Variants in EVL observed in about 807,000 individuals in gnomAD.
EVL encodes the protein Enah/Vasp-like, also known as ena/VASP-like protein.
Under a neutral mutation model 59.6 loss-of-function variants are expected in EVL, and 21 were observed. The observed-to-expected ratio is 0.35, with a 90% CI of 0.25 to 0.51. EVL has a LOEUF of 0.51. Ranked by LOEUF, EVL falls within the 20% of genes least tolerant of loss-of-function variation. The pLI is 0.97. For synonymous variants in EVL, 198 were observed against 203.5 expected, an observed-to-expected ratio of 0.97 and a Z score of 0.23; for missense variants, 462 against 546.6, an observed-to-expected ratio of 0.85 and a Z score of 1.54.
chr14:100,120,053 C>T (rs1316479752), intron 3 of EVL, among the ~76,000 whole-genome samples: 1 of 152,192 alleles, frequency 6.6e-6, no homozygotes, highest in Non-Finnish European at 1.5e-5. Context: ...GAGAAAAAGG[C>T]TGGGTCAGCA....
intron 1 of EVL, among the ~76,000 whole-genome samples, chr14:100,018,051 A>G (rs112551460): frequency 0.041 from 6,199 of 152,338 alleles, 431 homozygotes; most frequent in African/African-American, 0.14. Flanking sequence ...CCTTATGTGA[A>G]TAATTCCTTT....
chr14:100,019,112 G>T (rs560933860), intron 1 of EVL, among the ~76,000 whole-genome samples: 1 of 152,338 alleles, frequency 6.6e-6, no homozygotes, highest in Admixed American at 6.5e-5. Flanking sequence ...GTGTTTGATA[G>T]TGGAATGGTA....
At chr14:100,078,718 G>A (rs2062222486) in intron 1 of EVL, among the ~76,000 whole-genome samples, 2 of 152,116 alleles carry the variant, frequency 1.3e-5, no homozygotes, top group South Asian at 4.1e-4. Flanking sequence ...TGGTTATGTG[G>A]TGAAAGATAA....
rs1272184273 is a variant in EVL, at chr14:100,130,055, T to C, written c.839+371T>C. ...AAGATGTGGCCGCAGTGGTCGAGTT[T>C]GCAGAGGACACTCTGGTGAATGTGT... On this transcript the variant is annotated intron_variant, in intron 7 of 13. Transcript: ENST00000392920. This position sits in a 1 kb window ranked among gnomAD's most constrained non-coding sequence, Gnocchi z 4.8. 6.6e-6 allele frequency among the ~76,000 whole-genome samples: 1 copy of C among 152,250 alleles called. No individual in the cohort carries two copies. The highest frequency in any genetic ancestry group is 1.9e-4 in the East Asian group (1 of 5,198).
intron 3 of EVL, among the ~76,000 whole-genome samples, chr14:100,101,859 G>T (rs1308172753): frequency 6.6e-6 from 1 of 152,054 alleles, no homozygotes; most frequent in African/African-American, 2.4e-5. Flanking sequence ...TTTTTGGGAG[G>T]ATGGAGTCTC....
At position 100,109,513 on chromosome 14, in the gene EVL, G is replaced by A. The variant is rs1185548105; in HGVS notation, c.358+11855G>A. The A allele has an allele frequency of 2.2e-6, 1 of 462,784 alleles. No homozygotes were observed. The highest frequency in any genetic ancestry group is 2.4e-5 in the Admixed American group (1 of 42,288). 28.7% of individuals were successfully genotyped at this position (462,784 alleles called of 1,614,324 possible). On this transcript the variant is annotated intron_variant, in intron 3 of 13. Coordinates refer to ENST00000392920, the MANE Select transcript of EVL (RefSeq NM_016337.3). The surrounding 1 kb of genome is among the most constrained non-coding windows in gnomAD (Gnocchi z 4.3). ...CTGAAGAGAGACTGACACATCAGAG[G>A]TGTCTGGTGACTGAACAAGCTCCCA...
chr14:100,119,242 C>T (rs1437628667), intron 3 of EVL, among the ~76,000 whole-genome samples: 1 of 152,176 alleles, frequency 6.6e-6, no homozygotes, highest in Non-Finnish European at 1.5e-5. Flanking sequence ...TGCTTGTTTC[C>T]TATCTCATCC....
At chr14:100,141,983 C>T (rs1414492718) in intron 13 of EVL, 190 bp downstream of exon 13, 4 of 504,596 alleles carry the variant, frequency 7.9e-6, no homozygotes, top group African/African-American at 7.7e-5. Flanking sequence ...AGTGGCTTGC[C>T]TAAGAATTTG....
chr14:100,137,113 A>T (rs1888844041), intron 9 of EVL: 1 of 174,634 alleles, frequency 5.7e-6, no homozygotes, highest in South Asian at 1.4e-4. Context: ...AGAACAAAAT[A>T]TAATCCAATA....
rs562891030 is a variant in EVL at position 100,078,740 on chromosome 14, G to A, written c.12-5947G>A. ...GTGGTGAAAGATAAAGGAGTTCCCA[G>A]CAGGGCAGCTCACTCACCCTGGTTT... On this transcript the variant is annotated intron_variant, in intron 1 of 13. Coordinates refer to ENST00000392920, the MANE Select transcript of EVL (RefSeq NM_016337.3). Among the ~76,000 whole-genome samples the A allele has an allele frequency of 9.9e-5, 15 of 152,270 alleles. No individual in the cohort carries two copies. The South Asian group carries it at 2.9e-3, about 29-fold the overall frequency.
At position 100,019,845 on chromosome 14, in the gene EVL, G is replaced by C. The variant is rs147250684; in HGVS notation, c.5+47788G>C. Among the ~76,000 whole-genome samples the C allele has an allele frequency of 1.6e-4, 25 of 152,328 alleles. No individual in the cohort carries two copies. The East Asian group carries it at 4.4e-3, about 27-fold the overall frequency. On this transcript the variant is annotated intron_variant, in intron 1 of 13. Transcript: ENST00000402714. ...TTTATCCCAGTCATGGGGGTGGGAG[G>C]TGCAGAGGTGGTGCAGGTCAGGGGT...
intron 1 of EVL, among the ~76,000 whole-genome samples, chr14:100,035,946 G>A (rs1231222023): frequency 6.6e-6 from 1 of 152,084 alleles, no homozygotes; most frequent in Non-Finnish European, 1.5e-5. Context: ...CTGGTTTAGG[G>A]GCAGTTTTGT....
chr14:100,050,855 G>C (rs1378758378), intron 1 of EVL, among the ~76,000 whole-genome samples: 2 of 146,754 alleles, frequency 1.4e-5, no homozygotes, highest in African/African-American at 5.0e-5. Context: ...CAGTCCTCCC[G>C]CCTCAGCCTC....
chr14:100,116,838 T>C (rs141172834), intron 3 of EVL, among the ~76,000 whole-genome samples: 2 of 152,332 alleles, frequency 1.3e-5, no homozygotes, highest in African/African-American at 4.8e-5. Context: ...TTTAGAGTTG[T>C]AGAAATTTGG....
intron 1 of EVL, among the ~76,000 whole-genome samples, chr14:100,017,821 G>A (rs2061062984): frequency 6.6e-6 from 1 of 152,230 alleles, no homozygotes; most frequent in Non-Finnish European, 1.5e-5. Context: ...GGGGACCACA[G>A]GATTCCCCCA....
intron 1 of EVL, among the ~76,000 whole-genome samples, chr14:100,081,931 C>T (rs1040906184): frequency 4.6e-5 from 7 of 152,184 alleles, no homozygotes; most frequent in African/African-American, 1.7e-4. Context: ...AAAACCCTGT[C>T]TCTACTAAAA....
intron 3 of EVL, among the ~76,000 whole-genome samples, chr14:100,104,762 A>G (rs1000971468): frequency 6.6e-6 from 1 of 152,216 alleles, no homozygotes; most frequent in Non-Finnish European, 1.5e-5. Flanking sequence ...TGGATGAATC[A>G]CTGCAGGAAC....
intron 1 of EVL, among the ~76,000 whole-genome samples, chr14:100,038,429 CG>C (rs1450613704): frequency 2.0e-5 from 3 of 152,092 alleles, no homozygotes; most frequent in African/African-American, 7.2e-5. Context: ...ACTCAGATGG[CG>C]GACAAGGTTG....
At chr14:100,020,736 AG>A (rs2061108914) in intron 1 of EVL, among the ~76,000 whole-genome samples, 1 of 152,172 alleles carries the variant, frequency 6.6e-6, no homozygotes, top group Non-Finnish European at 1.5e-5. Flanking sequence ...AGTAGATAAG[AG>A]GATCATTAGA....
Sources: gnomAD v4.1 joint callset for allele counts (sites outside exome capture counted in the v4.1 genomes callset) on GRCh38, gnomAD v4.1.1 for gene constraint, Gnocchi (gnomAD v3.1) non-coding constraint, MANE v1.5 for transcripts, NCBI Gene and HGNC (gene_info 2026-07-23, HGNC 2026-07-21) for gene names.